Variants in DDX10 observed in about 807,000 individuals in gnomAD.
The protein encoded by DDX10 is DEAD-box helicase 10, also known as probable ATP-dependent RNA helicase DDX10.
In DDX10, 74 loss-of-function variants were observed where a neutral mutation model predicts 104.3. The observed-to-expected ratio is 0.71, with a 90% CI of 0.59 to 0.86. The LOEUF (loss-of-function observed/expected upper bound fraction) is 0.86, where lower values mean the gene tolerates loss of function less well. Among genes scored for constraint, DDX10 ranks in the 40% least tolerant of loss-of-function variants. The pLI, the probability that DDX10 is intolerant of heterozygous loss-of-function variation, is 0.00. For missense variants in DDX10, 952 were observed against 1,040.0 expected (o/e 0.92, Z 1.16); for synonymous variants, 351 against 353.4 (o/e 0.99, Z 0.08).
chr11:108,816,281 T>C (rs1364621815), intron 13 of DDX10, among the ~76,000 whole-genome samples: 1 of 152,238 alleles, frequency 6.6e-6, no homozygotes, highest in African/African-American at 2.4e-5. Flanking sequence ...AAAACTCATA[T>C]GCTAATGAAT....
chr11:108,846,161 T>C (rs1195981277), intron 15 of DDX10, among the ~76,000 whole-genome samples: 1 of 152,216 alleles, frequency 6.6e-6, no homozygotes, highest in African/African-American at 2.4e-5. Context: ...TAATTGTATG[T>C]ATGGGGTACA....
chr11:108,799,153 T>C (rs1378492647), intron 13 of DDX10, among the ~76,000 whole-genome samples: 2 of 152,242 alleles, frequency 1.3e-5, no homozygotes, highest in African/African-American at 2.4e-5. Context: ...AGAAGTTCTT[T>C]AGGAGAACTC....
intron 13 of DDX10, among the ~76,000 whole-genome samples, chr11:108,743,128 C>T (rs936425763): frequency 6.6e-6 from 1 of 152,118 alleles, no homozygotes; most frequent in African/African-American, 2.4e-5. Flanking sequence ...CAAAAATCCT[C>T]AACAATATAC....
intron 13 of DDX10, among the ~76,000 whole-genome samples, chr11:108,783,073 C>T (rs1336041209): frequency 2.0e-5 from 3 of 152,156 alleles, no homozygotes; most frequent in Admixed American, 2.0e-4. Flanking sequence ...AATCCGTTTC[C>T]TAGTGCCCAC....
rs59961081 is a variant in DDX10 at position 108,771,297 on chromosome 11, G to A, written c.1965+47835G>A. ...GTTTGCCAATATTTTCTCTCATTCT[G>A]TGGGGGTGTCTCTTTACTTTATTGA... On this transcript the variant is annotated intron_variant, in intron 13 of 17. Transcript: ENST00000322536. 5.8e-3 allele frequency among the ~76,000 whole-genome samples: 875 copies of A among 152,122 alleles called. 6 individuals carry two copies. Among genetic ancestry groups the A allele is most frequent in the African/African-American group, 0.02 (836 of 41,504 alleles).
chr11:108,679,343 T>C lies in DDX10; in HGVS notation c.659-28T>C, dbSNP rs2094231239. On this transcript the variant is annotated intron_variant, in intron 5 of 17. Coordinates refer to ENST00000322536, the MANE Select transcript of DDX10 (RefSeq NM_004398.4). ...AGCCTAATGTATATTTTACATATGATAGTTCAACTTGCATTTTCCTTTTTC... is the reference window on the plus strand; with the variant it reads ...AGCCTAATGTATATTTTACATATGACAGTTCAACTTGCATTTTCCTTTTTC... 1.9e-6 allele frequency: 3 copies of C among 1,558,928 alleles called. No homozygotes were observed. The South Asian group carries it at 3.7e-5, about 19-fold the overall frequency.
intron 13 of DDX10, among the ~76,000 whole-genome samples, chr11:108,787,168 C>G (rs1861805848): frequency 6.6e-6 from 1 of 152,142 alleles, no homozygotes; most frequent in South Asian, 2.1e-4. Context: ...TGAAAATAGA[C>G]CTCCAATCTC....
At chr11:108,723,500 G>C (rs2094301434) in intron 13 of DDX10, 38 bp downstream of exon 13, 1 of 1,557,082 alleles carries the variant, frequency 6.4e-7, no homozygotes, top group Non-Finnish European at 8.7e-7. Context: ...CTATTACATT[G>C]TCTTACTATG....
chr11:108,767,148 G>A (rs1449220153), intron 13 of DDX10, among the ~76,000 whole-genome samples: 2 of 152,074 alleles, frequency 1.3e-5, no homozygotes, highest in African/African-American at 4.8e-5. Flanking sequence ...ATCTTCATAT[G>A]ATTTCAGCTG....
At chr11:108,699,696 A>G (rs1474021775) in intron 9 of DDX10, among the ~76,000 whole-genome samples, 1 of 152,192 alleles carries the variant, frequency 6.6e-6, no homozygotes, top group Non-Finnish European at 1.5e-5. Context: ...TAGGGGGACT[A>G]CACAAGGGTG....
At chr11:108,677,862 C>T (rs914305407) in intron 4 of DDX10, among the ~76,000 whole-genome samples, 5 of 151,914 alleles carry the variant, frequency 3.3e-5, no homozygotes, top group African/African-American at 1.2e-4. Flanking sequence ...TTTCCCACCG[C>T]CTCCAGGACT....
intron 13 of DDX10, among the ~76,000 whole-genome samples, chr11:108,814,823 A>G (rs563535031): frequency 1.3e-5 from 2 of 152,312 alleles, no homozygotes; most frequent in East Asian, 3.9e-4. Flanking sequence ...AATATCCACA[A>G]TTTACCCATG....
chr11:108,761,809 T>C (rs903414670), intron 13 of DDX10, among the ~76,000 whole-genome samples: 2 of 152,184 alleles, frequency 1.3e-5, no homozygotes, highest in African/African-American at 4.8e-5. Context: ...AGAGCTGTAC[T>C]GTATACTCAA....
chr11:108,784,517 C>G (rs531413998), intron 13 of DDX10, among the ~76,000 whole-genome samples: 1 of 152,174 alleles, frequency 6.6e-6, no homozygotes, highest in East Asian at 1.9e-4. Flanking sequence ...CAGAGTAGCT[C>G]TTTGCCCATT....
intron 13 of DDX10, among the ~76,000 whole-genome samples, chr11:108,823,131 C>T (rs1302138918): frequency 1.3e-5 from 2 of 152,108 alleles, no homozygotes; most frequent in African/African-American, 4.8e-5. Flanking sequence ...TTTTTAAAAT[C>T]ACCACTATAT....
chr11:108,799,191 T>A (rs182156002), intron 13 of DDX10, among the ~76,000 whole-genome samples: 1 of 152,314 alleles, frequency 6.6e-6, no homozygotes, highest in African/African-American at 2.4e-5. Flanking sequence ...CAAAGTGTTC[T>A]CCTTTTTCCT....
At chr11:108,923,882 A>G (rs978885236) in intron 17 of DDX10, among the ~76,000 whole-genome samples, 4 of 152,196 alleles carry the variant, frequency 2.6e-5, no homozygotes, top group African/African-American at 9.6e-5. Context: ...GGTAAATTGC[A>G]CTTCTAAAAA....
chr11:108,822,988 G>T (rs1255977709), intron 13 of DDX10, among the ~76,000 whole-genome samples: 1 of 152,196 alleles, frequency 6.6e-6, no homozygotes, highest in Non-Finnish European at 1.5e-5. Context: ...TGGAGTTCCA[G>T]CCCTGACTTT....
chr11:108,885,966 T>A (rs1353686217), intron 16 of DDX10, among the ~76,000 whole-genome samples: 2 of 152,176 alleles, frequency 1.3e-5, no homozygotes, highest in African/African-American at 4.8e-5. Flanking sequence ...ACTGGGAAAC[T>A]GAGACTTGAG....
Sources: gnomAD v4.1 joint callset for allele counts (sites outside exome capture counted in the v4.1 genomes callset) on GRCh38, gnomAD v4.1.1 for gene constraint, MANE v1.5 for transcripts, NCBI Gene and HGNC (gene_info 2026-07-23, HGNC 2026-07-21) for gene names.